The following ETV6 variants were observed in gnomAD, a reference collection of about 807,000 sequenced individuals.
The protein encoded by ETV6 is ETS variant transcription factor 6.
In ETV6, 16 loss-of-function variants were observed where a neutral mutation model predicts 51.1. The ratio of observed to expected loss-of-function variants is 0.31; its 90% CI spans 0.21 to 0.48. The LOEUF is 0.48. ETV6 is among the 20% of genes least tolerant of loss of function. The pLI, the probability that ETV6 is intolerant of heterozygous loss-of-function variation, is 0.99. For missense variants in ETV6, 458 were observed against 594.8 expected, an observed-to-expected ratio of 0.77 and a Z score of 2.39; for synonymous variants, 240 against 224.1, an observed-to-expected ratio of 1.07 and a Z score of -0.64.
At chr12:11,870,085 C>T in intron 5 of ETV6, 116 bp downstream of exon 5, 1 of 1,229,598 alleles carries the variant, frequency 8.1e-7, no homozygotes, top group Non-Finnish European at 1.1e-6. Context: ...CCCTCCAAGG[C>T]TCTCTGAGGG....
intron 2 of ETV6, among the ~76,000 whole-genome samples, chr12:11,815,547 T>C (rs1040073605): frequency 2.0e-5 from 3 of 152,272 alleles, no homozygotes; most frequent in Non-Finnish European, 2.9e-5. Context: ...TCAAGCCATT[T>C]AGCCCCGTTC....
chr12:11,818,042 G>A (rs1009719196), intron 2 of ETV6, among the ~76,000 whole-genome samples: 6 of 152,192 alleles, frequency 3.9e-5, no homozygotes, highest in East Asian at 1.9e-4. Flanking sequence ...AAAGGCCTGC[G>A]GGGTGACAGG....
chr12:11,870,087 C>T lies in ETV6; in HGVS notation c.1009+118C>T, dbSNP rs928575425. ...TCCCAATTAGGCGCCCTCCAAGGCT[C>T]TCTGAGGGCAATTGGAGGCTTCTGC... On this transcript the variant is annotated intron_variant, in intron 5 of 7. Transcript: ENST00000396373. 3.3e-6 allele frequency: 4 copies of T among 1,225,556 alleles called. No homozygotes were observed. In the African/African-American group the frequency reaches 4.6e-5, roughly 14 times the overall value. 75.9% of individuals were successfully genotyped at this position (1,225,556 alleles called of 1,614,324 possible).
At chr12:11,720,787 A>G (rs916455634) in intron 1 of ETV6, among the ~76,000 whole-genome samples, 1 of 152,196 alleles carries the variant, frequency 6.6e-6, no homozygotes, top group African/African-American at 2.4e-5. Flanking sequence ...GTAAACAGCA[A>G]CCTACCGAAT....
chr12:11,683,235 G>A (rs1024330675), intron 1 of ETV6, among the ~76,000 whole-genome samples: 10 of 152,178 alleles, frequency 6.6e-5, no homozygotes, highest in African/African-American at 2.4e-4. Context: ...GTAGAGACGG[G>A]GTTTTGCCAT....
intron 5 of ETV6, among the ~76,000 whole-genome samples, chr12:11,870,274 T>G (rs1351930980): frequency 6.6e-6 from 1 of 152,218 alleles, no homozygotes; most frequent in East Asian, 1.9e-4. Context: ...AAAAGGTTTA[T>G]GAGCATGCTA....
chr12:11,833,529 T>A (rs1946273881), intron 2 of ETV6, among the ~76,000 whole-genome samples: 1 of 152,194 alleles, frequency 6.6e-6, no homozygotes, highest in African/African-American at 2.4e-5. Flanking sequence ...CCAAATAAGC[T>A]TAGAGAGTTA....
intron 5 of ETV6, among the ~76,000 whole-genome samples, chr12:11,880,062 T>G (rs1198426963): frequency 7.5e-6 from 1 of 132,720 alleles, no homozygotes; most frequent in Non-Finnish European, 1.6e-5. Flanking sequence ...GGAAAAAAAA[T>G]CTATTGTGTG....
intron 2 of ETV6, among the ~76,000 whole-genome samples, chr12:11,809,465 A>G (rs913128511): frequency 1.3e-5 from 2 of 152,208 alleles, no homozygotes; most frequent in Middle Eastern, 3.2e-3. Flanking sequence ...AATGATATGG[A>G]TAGTCCAGAA....
intron 1 of ETV6, among the ~76,000 whole-genome samples, chr12:11,688,061 G>A (rs1052452714): frequency 6.6e-6 from 1 of 152,054 alleles, no homozygotes; most frequent in Non-Finnish European, 1.5e-5. Context: ...TAGCTAACAG[G>A]CCCAGGGTCC....
At chr12:11,875,858 C>T (rs915941289) in intron 5 of ETV6, among the ~76,000 whole-genome samples, 1 of 152,156 alleles carries the variant, frequency 6.6e-6, no homozygotes, top group Non-Finnish European at 1.5e-5. Flanking sequence ...TTGGTATTGC[C>T]TATGTCTGCT....
intron 1 of ETV6, among the ~76,000 whole-genome samples, chr12:11,703,545 T>A (rs960164313): frequency 2.0e-5 from 3 of 152,180 alleles, no homozygotes; most frequent in African/African-American, 7.2e-5. Flanking sequence ...TAACACATAC[T>A]CTGCCCTTAT....
chr12:11,825,240 T>C (rs754524719), intron 2 of ETV6, among the ~76,000 whole-genome samples: 62 of 152,138 alleles, frequency 4.1e-4, no homozygotes, highest in Non-Finnish European at 6.9e-4. Context: ...AAAAATCATT[T>C]CAGAAATGAA....
At chr12:11,699,611 A>G (rs570133117) in intron 1 of ETV6, among the ~76,000 whole-genome samples, 127 of 152,272 alleles carry the variant, frequency 8.3e-4, no homozygotes, top group African/African-American at 2.9e-3. Flanking sequence ...CAGAGGAGAA[A>G]TAAAGTGCGG....
intron 1 of ETV6, among the ~76,000 whole-genome samples, chr12:11,721,325 A>G (rs534080525): frequency 1.3e-5 from 2 of 152,334 alleles, no homozygotes; most frequent in South Asian, 4.1e-4. Context: ...GTGCACATCA[A>G]CAGTGGATTT....
At chr12:11,878,703 G>A (rs556364477) in intron 5 of ETV6, among the ~76,000 whole-genome samples, 4 of 151,608 alleles carry the variant, frequency 2.6e-5, no homozygotes, top group South Asian at 2.1e-4. Context: ...CCTAAGCCAC[G>A]GCAAAGCACA....
At position 11,895,297 on chromosome 12, in the gene ETV6, AAAC is replaced by A. The variant is rs1226961344; in HGVS notation, c.*4254_*4256del. Reference sequence around the variant, plus strand: ...ATGAATGTAACAAAAAAGAAAAAAAAAACAAAAAAAAATGCCTTTTCTCAGGGC... The same window carrying A: ...ATGAATGTAACAAAAAAGAAAAAAAAAAAAAAAAATGCCTTTTCTCAGGGC... On this transcript the variant is annotated 3_prime_UTR_variant, in exon 8 of 8. Transcript: ENST00000396373. 5 of 232,554 alleles carry A rather than the reference AAAC, an allele frequency of 2.2e-5. No individual in the cohort carries two copies. The highest frequency in any genetic ancestry group is 2.6e-5 in the Non-Finnish European group (3 of 117,604). 14.4% of individuals were successfully genotyped at this position (232,554 alleles called of 1,614,324 possible). A position where few individuals can be genotyped will look rare whatever the true frequency, so the allele number is the denominator to read the frequency against.
intron 1 of ETV6, among the ~76,000 whole-genome samples, chr12:11,702,845 C>G (rs1438334209): frequency 1.3e-5 from 2 of 152,180 alleles, no homozygotes; most frequent in Non-Finnish European, 2.9e-5. Flanking sequence ...ATTTGTCATG[C>G]CTGTAATCCC....
rs117070984 is a variant in ETV6, at chr12:11,693,372, A to G, written c.33+43212A>G. Among the ~76,000 whole-genome samples the G allele has an allele frequency of 5.9e-5, 9 of 152,176 alleles. No individual in the cohort carries two copies. The East Asian group carries it at 1.7e-3, about 30-fold the overall frequency. ...GTCTCTTCAGTTTTGGGGTTTGTAG[A>G]CAGGTCATGTTCACTTACTCCTAAC... On this transcript the variant is annotated intron_variant, in intron 1 of 7. Transcript: ENST00000396373.
Sources: allele counts gnomAD v4.1 joint callset (sites outside exome capture counted in the v4.1 genomes callset), GRCh38; gene constraint gnomAD v4.1.1; transcripts MANE v1.5; gene names NCBI Gene and HGNC (gene_info 2026-07-23, HGNC 2026-07-21).